The following COL4A5 variants were observed in gnomAD, a reference collection of about 807,000 sequenced individuals.
The protein encoded by COL4A5 is collagen alpha-5(IV) chain.
COL4A5 carries 26 observed loss-of-function variants against 130.2 expected under a neutral mutation model. The observed-to-expected ratio is 0.20, with a 90% CI of 0.15 to 0.28. COL4A5 has a LOEUF of 0.28. Among genes scored for constraint, COL4A5 ranks in the 10% least tolerant of loss-of-function variants. The pLI is 1.00. For synonymous variants in COL4A5, 496 were observed against 439.6 expected (o/e 1.13, Z -1.60); for missense variants, 1,131 against 1,344.3 (o/e 0.84, Z 2.48).
intron 1 of COL4A5, among the ~76,000 whole-genome samples, chrX:108,448,245 A>G (rs902429626): frequency 8.9e-6 from 1 of 112,526 alleles, no homozygotes; most frequent in African/African-American, 3.2e-5. Context: ...TGAATCTGTT[A>G]TAAATGTCAG....
At chrX:108,516,402 A>G (rs775310054) in intron 1 of COL4A5, among the ~76,000 whole-genome samples, 8 of 111,733 alleles carry the variant, frequency 7.2e-5, no homozygotes, top group Admixed American at 1.9e-4. Flanking sequence ...TTTATCTGTG[A>G]TGTTAGTACT....
At chrX:108,501,822 C>T (rs772923604) in intron 1 of COL4A5, among the ~76,000 whole-genome samples, 2 of 112,245 alleles carry the variant, frequency 1.8e-5, no homozygotes, top group South Asian at 7.4e-4. Flanking sequence ...GAAAGCACTA[C>T]AGTTATTGAC....
rs760994544 is a variant in COL4A5, at chrX:108,522,363, A to G, written c.82-17383A>G. Among the ~76,000 whole-genome samples, 5 of 106,467 alleles carry G rather than the reference A, an allele frequency of 4.7e-5. No homozygotes were observed. In the South Asian group the frequency reaches 2.2e-3, roughly 46 times the overall value. The allele number at this position is 106,467 out of a possible 115,157, so 92.5% of individuals were successfully genotyped here. A position where few individuals can be genotyped will look rare whatever the true frequency, so the allele number is the denominator to read the frequency against. On this transcript the variant is annotated intron_variant, in intron 1 of 52. Coordinates refer to ENST00000328300, the MANE Select transcript of COL4A5 (RefSeq NM_033380.3). ...GTTTACTTTGTTTAGGAACTGCCCG[A>G]CTTTTATAAAGTGGTTACTCCATTT...
At chrX:108,561,953 A>G (rs1239961791) in intron 3 of COL4A5, among the ~76,000 whole-genome samples, 2 of 111,699 alleles carry the variant, frequency 1.8e-5, no homozygotes, top group East Asian at 5.6e-4. Flanking sequence ...TGTGCATACA[A>G]TTTTGGTGGA....
At chrX:108,490,033 C>G (rs933113116) in intron 1 of COL4A5, among the ~76,000 whole-genome samples, 2 of 111,275 alleles carry the variant, frequency 1.8e-5, no homozygotes, top group East Asian at 5.6e-4. Context: ...ATGCATTTCT[C>G]CCCAGTGGTA....
chrX:108,523,535 G>A (rs755783815), intron 1 of COL4A5, among the ~76,000 whole-genome samples: 7 of 112,162 alleles, frequency 6.2e-5, no homozygotes, highest in African/African-American at 2.3e-4. Context: ...AAATCCTTCA[G>A]CTTTGTTCTT....
In COL4A5 at chrX:108,584,558, A is replaced by G. The variant is rs754731800; in HGVS notation, c.1032+33A>G. On this transcript the variant is annotated intron_variant, in intron 18 of 52. Coordinates refer to ENST00000328300, the MANE Select transcript of COL4A5 (RefSeq NM_033380.3). ...TTTTTTTTTTAGTCTTCGTTTATCA[A>G]ATTTATTAATGCATTATCATTTTTG... 2.0e-5 allele frequency: 23 copies of G among 1,129,799 alleles called. No homozygotes were observed. The East Asian group carries it at 2.4e-4, about 12-fold the overall frequency. 93.1% of individuals were successfully genotyped at this position (1,129,799 alleles called of 1,213,427 possible).
chrX:108,641,408 C>CA (rs1160237031), intron 36 of COL4A5, among the ~76,000 whole-genome samples: 1 of 111,510 alleles, frequency 9.0e-6, no homozygotes, highest in African/African-American at 3.3e-5. Context: ...ATTACAGCTC[C>CA]AACTCGGACA....
chrX:108,559,239 A>C, intron 3 of COL4A5, 86 bp downstream of exon 3: 1 of 684,551 alleles, frequency 1.5e-6, no homozygotes, highest in East Asian at 3.2e-5. Flanking sequence ...CTAAAAAGTT[A>C]CTGAATTATA....
intron 36 of COL4A5, among the ~76,000 whole-genome samples, chrX:108,646,415 T>G (rs753046888): frequency 8.9e-6 from 1 of 111,953 alleles, no homozygotes; most frequent in South Asian, 3.7e-4. Context: ...TTGCCCACTT[T>G]TTGATGGGGT....
intron 36 of COL4A5, among the ~76,000 whole-genome samples, chrX:108,637,455 T>G (rs1372393733): frequency 9.0e-6 from 1 of 110,650 alleles, no homozygotes; most frequent in African/African-American, 3.3e-5. Flanking sequence ...AGAGCAGAGA[T>G]AAATAAAATA....
chrX:108,582,382 A>G (rs1351126430), intron 16 of COL4A5: 1 of 113,718 alleles, frequency 8.8e-6, no homozygotes, highest in African/African-American at 3.3e-5. Flanking sequence ...GGAGAACCCA[A>G]GTTGGGTCAA....
At chrX:108,521,359 G>T (rs950128037) in intron 1 of COL4A5, among the ~76,000 whole-genome samples, 1 of 110,679 alleles carries the variant, frequency 9.0e-6, no homozygotes, top group Non-Finnish European at 1.9e-5. Context: ...TCTTTTCAAG[G>T]ATCTGTTATA....
At chrX:108,614,363 G>T (rs2066888282) in intron 29 of COL4A5, among the ~76,000 whole-genome samples, 1 of 111,345 alleles carries the variant, frequency 9.0e-6, no homozygotes, top group Non-Finnish European at 1.9e-5. Context: ...ACATACCTTT[G>T]TCAAAACTCA....
At chrX:108,629,057 T>C (rs2147878151) in intron 36 of COL4A5, among the ~76,000 whole-genome samples, 1 of 111,994 alleles carries the variant, frequency 8.9e-6, no homozygotes, top group South Asian at 3.7e-4. Flanking sequence ...TCTGATAAGA[T>C]AGAGCAGTGA....
At chrX:108,586,485 T>C in intron 18 of COL4A5, 130 bp from the exon 19 acceptor site, 2 of 623,480 alleles carry the variant, frequency 3.2e-6, no homozygotes, top group Non-Finnish European at 5.1e-6. Context: ...ATGGGAGTGA[T>C]ACAAAATGTG....
intron 2 of COL4A5, among the ~76,000 whole-genome samples, chrX:108,547,214 T>C (rs1186114063): frequency 1.8e-5 from 2 of 111,849 alleles, no homozygotes; most frequent in Non-Finnish European, 3.8e-5. Context: ...GTTTTTCTGC[T>C]CTGTTTTTTC....
At chrX:108,597,292 A>C in intron 23 of COL4A5, 85 bp from the exon 24 acceptor site, 2 of 1,029,436 alleles carry the variant, frequency 1.9e-6, no homozygotes, top group Admixed American at 4.6e-5. Context: ...TGGAGAGAAG[A>C]AAATGTTAGA....
chrX:108,631,834 G>A (rs2067267241), intron 36 of COL4A5, among the ~76,000 whole-genome samples: 1 of 111,545 alleles, frequency 9.0e-6, no homozygotes. Context: ...AAAGCAGTGT[G>A]TAGAGGGAAA....
Sources: allele counts gnomAD v4.1 joint callset (sites outside exome capture counted in the v4.1 genomes callset), GRCh38; gene constraint gnomAD v4.1.1; transcripts MANE v1.5; gene names NCBI Gene and HGNC (gene_info 2026-07-23, HGNC 2026-07-21).